VPS50: variants seen among roughly 807,000 people sequenced by gnomAD.
The protein encoded by VPS50 is syndetin.
Under a neutral mutation model 139.7 loss-of-function variants are expected in VPS50, and 70 were observed. The observed-to-expected ratio is 0.50, with a 90% CI of 0.41 to 0.61. The LOEUF is 0.61. Ranked by LOEUF, VPS50 falls within the 20% of genes least tolerant of loss-of-function variation. VPS50 has a pLI of 0.00. For missense variants in VPS50, 921 were observed against 1,133.7 expected, an observed-to-expected ratio of 0.81 and a Z score of 2.69; for synonymous variants, 365 against 376.7, an observed-to-expected ratio of 0.97 and a Z score of 0.36.
chr7:93,272,755 G>T, intron 11 of VPS50, 22 bp downstream of exon 11: 3 of 1,119,924 alleles, frequency 2.7e-6, no homozygotes, highest in South Asian at 1.4e-5. Flanking sequence ...AAGGATGTTT[G>T]GATTTTTCCT....
chr7:93,261,727 T>A (rs186642931), intron 9 of VPS50, among the ~76,000 whole-genome samples: 9 of 150,634 alleles, frequency 6.0e-5, no homozygotes, highest in Non-Finnish European at 1.3e-4. Context: ...AGAAGGAAGT[T>A]GTGCATACAG....
Position 93,323,699 on chromosome 7 carries a change from T to C in VPS50, c.1944T>C (p.Tyr648=). Residue 648 remains tyrosine, a synonymous_variant, in exon 21 of 28, where the codon TAT becomes TAC. Transcript: ENST00000305866. ...FMSQLFDYYL[Y]AIYTFFGRND... The stretch of plus-strand genomic sequence containing the variant: ...CTCAACTATTTGATTATTACTTGTA[T>C]GCAATATATACCTTTTTTGGTCGGA... The C allele has an allele frequency of 5.6e-6, 8 of 1,431,594 alleles. No homozygotes were observed. The highest frequency in any genetic ancestry group is 6.6e-6 in the Non-Finnish European group (7 of 1,061,720). The allele number at this position is 1,431,594 out of a possible 1,614,324, so 88.7% of individuals were successfully genotyped here.
chr7:93,289,186 G>A (rs1165516899), intron 12 of VPS50, among the ~76,000 whole-genome samples: 3 of 152,124 alleles, frequency 2.0e-5, no homozygotes, highest in African/African-American at 7.2e-5. Flanking sequence ...TCAACTTTAA[G>A]ATTGAGATTG....
chr7:93,258,289 C>A lies in VPS50; in HGVS notation c.540+13C>A. ...TATAAAAACATTGGTATATATGGGT[C>A]ATTTAAAAAAATTAAAACTGAATTT... On this transcript the variant is annotated intron_variant, in intron 7 of 27. Coordinates refer to ENST00000305866, the MANE Select transcript of VPS50 (RefSeq NM_017667.4). 6.4e-7 allele frequency: 1 copy of A among 1,568,164 alleles called. No individual in the cohort carries two copies. The highest frequency in any genetic ancestry group is 1.1e-5 in the South Asian group (1 of 89,788).
At chr7:93,252,562 T>C in intron 2 of VPS50, 91 bp from the exon 3 acceptor site, 1 of 865,160 alleles carries the variant, frequency 1.2e-6, no homozygotes, top group African/African-American at 1.7e-5. Flanking sequence ...TCCAGGTAGA[T>C]GTGACTGTTA....
intron 2 of VPS50, among the ~76,000 whole-genome samples, chr7:93,246,590 T>C (rs1203315326): frequency 6.6e-6 from 1 of 151,872 alleles, no homozygotes; most frequent in Non-Finnish European, 1.5e-5. Context: ...CTTTTCAAAA[T>C]TGCAGAAAAT....
chr7:93,360,615 A>G lies in VPS50; in HGVS notation c.*2179A>G, dbSNP rs1163684456. The G allele has an allele frequency of 6.6e-6, 1 of 152,036 alleles. No homozygotes were observed. Among genetic ancestry groups the G allele is most frequent in the African/African-American group, 2.4e-5 (1 of 41,422 alleles). The allele number at this position is 152,036 out of a possible 1,614,324, so 9.4% of individuals were successfully genotyped here. ...AGATAAATACAATTGAAAAGCTGAG[A>G]ATGTAAATGGAATTATACGTGTTCC... On this transcript the variant is annotated 3_prime_UTR_variant, in exon 28 of 28. Transcript: ENST00000305866.
chr7:93,357,946 G>C (rs1409313076), intron 27 of VPS50, among the ~76,000 whole-genome samples: 1 of 151,994 alleles, frequency 6.6e-6, no homozygotes, highest in African/African-American at 2.4e-5. Flanking sequence ...TACTTCATCA[G>C]TAGCATTTAA....
intron 20 of VPS50, among the ~76,000 whole-genome samples, chr7:93,322,595 G>A (rs1230556085): frequency 2.3e-4 from 22 of 96,162 alleles, no homozygotes; most frequent in South Asian, 3.7e-4. Flanking sequence ...GCGAGACTCC[G>A]TCTCAAAAAA....
intron 20 of VPS50, among the ~76,000 whole-genome samples, chr7:93,318,908 G>A (rs754070014): frequency 6.6e-6 from 1 of 151,896 alleles, no homozygotes; most frequent in South Asian, 2.1e-4. Flanking sequence ...GTTTAATAGA[G>A]TAAAATAAAA....
chr7:93,331,382 G>A (rs7809698), intron 21 of VPS50, among the ~76,000 whole-genome samples: 80,493 of 151,908 alleles, frequency 0.53, 25,044 homozygotes, highest in African/African-American at 0.87. Flanking sequence ...AGCTACAGTA[G>A]TTGATAAAAT....
At chr7:93,250,277 T>C (rs756786415) in intron 2 of VPS50, among the ~76,000 whole-genome samples, 6 of 152,308 alleles carry the variant, frequency 3.9e-5, no homozygotes, top group African/African-American at 1.4e-4. Context: ...GGAATAATTT[T>C]ATAGTTAGTT....
chr7:93,258,191 A>T lies in VPS50; in HGVS notation c.455A>T (p.Gln152Leu). ...HLNIAKEGFT[Q>L]ASLGLLANQR... ...AATATTGCAAAGGAAGGTTTTACTC[A>T]AGCTAGTTTAGGCCTTCTTGCAAAT... Residue 152 changes from glutamine to leucine, a missense_variant, in exon 7 of 28, where the codon CAA becomes CTA. Gln to Leu is a moderately radical substitution (Grantham distance 113). Around this residue, in one of 3 missense-constraint regions of VPS50, gnomAD observed 744 missense variants for 930.6 expected, o/e 0.80. Transcript: ENST00000305866. The T allele has an allele frequency of 6.3e-7, 1 of 1,582,746 alleles. No homozygotes were observed. The highest frequency in any genetic ancestry group is 8.7e-7 in the Non-Finnish European group (1 of 1,152,020).
In VPS50 at chr7:93,261,944, T is replaced by C. The variant is rs1378667717; in HGVS notation, c.659+2312T>C. Among the ~76,000 whole-genome samples the C allele has an allele frequency of 2.6e-5, 4 of 152,290 alleles. No individual in the cohort carries two copies. The East Asian group carries it at 5.8e-4, about 22-fold the overall frequency. ...TGGATTTATAGCAACAAAGAAGTCA[T>C]AGTTGACCTTTTGGGGACAGATTTG... On this transcript the variant is annotated intron_variant, in intron 9 of 27. Coordinates refer to ENST00000305866, the MANE Select transcript of VPS50 (RefSeq NM_017667.4).
chr7:93,294,751 TG>T, intron 14 of VPS50, 115 bp downstream of exon 14: 1 of 766,326 alleles, frequency 1.3e-6, no homozygotes, highest in South Asian at 2.5e-5. Flanking sequence ...TTTAATCATA[TG>T]TTTCTGTTTG....
chr7:93,315,944 G>A (rs1340778837), intron 20 of VPS50, among the ~76,000 whole-genome samples: 4 of 151,376 alleles, frequency 2.6e-5, no homozygotes, highest in Non-Finnish European at 4.4e-5. Context: ...TTCAACAAGG[G>A]AAATAAATAC....
intron 18 of VPS50, among the ~76,000 whole-genome samples, chr7:93,306,642 C>A (rs903509163): frequency 4.6e-5 from 7 of 151,820 alleles, no homozygotes; most frequent in African/African-American, 1.7e-4. Context: ...TCAGTTTCTC[C>A]ATATTTACAG....
chr7:93,237,504 A>T (rs1445643526), intron 1 of VPS50, among the ~76,000 whole-genome samples: 1 of 152,104 alleles, frequency 6.6e-6, no homozygotes, highest in Non-Finnish European at 1.5e-5. Flanking sequence ...TTGTGTGGTG[A>T]CTACTTTTTC....
At chr7:93,353,543 G>C (rs1423633416) in intron 25 of VPS50, 97 bp from the exon 26 acceptor site, 1 of 1,338,308 alleles carries the variant, frequency 7.5e-7, no homozygotes, top group East Asian at 2.3e-5. Context: ...GTTTGATTCT[G>C]AGTCTTTCTA....
Sources: allele counts gnomAD v4.1 joint callset (sites outside exome capture counted in the v4.1 genomes callset), GRCh38; gene constraint gnomAD v4.1.1; regional missense constraint gnomAD v4.1.1; transcripts MANE v1.5; gene names NCBI Gene and HGNC (gene_info 2026-07-23, HGNC 2026-07-21).